Variants in NRG1 observed in about 807,000 individuals in gnomAD.
NRG1 encodes the protein pro-neuregulin-1, membrane-bound isoform.
Under a neutral mutation model 63.8 loss-of-function variants are expected in NRG1, and 18 were observed. The observed-to-expected ratio is 0.28, with a 90% confidence interval of 0.19 to 0.42. NRG1 has a LOEUF of 0.42. NRG1 is among the 10% of genes least tolerant of loss of function. The probability of loss-of-function intolerance (pLI) is 1.00; values close to 1 mark genes in which losing one functional copy is unlikely to be tolerated. For synonymous variants in NRG1, 302 were observed against 301.3 expected (o/e 1.00, Z -0.02); for missense variants, 762 against 814.7 (o/e 0.94, Z 0.79).
chr8:32,648,566 G>A (rs1452403580), intron 5 of NRG1, among the ~76,000 whole-genome samples: 1 of 152,068 alleles, frequency 6.6e-6, no homozygotes, highest in Non-Finnish European at 1.5e-5. Context: ...TGCAAACTCC[G>A]GATCTGAACC....
chr8:31,970,861 A>T (rs991543645), intron 1 of NRG1, among the ~76,000 whole-genome samples: 1 of 152,070 alleles, frequency 6.6e-6, no homozygotes, highest in South Asian at 2.1e-4. Flanking sequence ...AAGCTGCAGC[A>T]TCTCCTTGGG....
At chr8:32,617,002 C>T in intron 5 of NRG1, 117 bp downstream of exon 5, 2 of 753,396 alleles carry the variant, frequency 2.7e-6, no homozygotes, top group Non-Finnish European at 4.6e-6. Context: ...TTGAGTTTGG[C>T]AATAGGTGGT....
intron 1 of NRG1, among the ~76,000 whole-genome samples, chr8:32,079,015 A>G (rs759763398): frequency 2.2e-4 from 33 of 152,162 alleles, no homozygotes; most frequent in Non-Finnish European, 3.7e-4. Flanking sequence ...TTTGACTAAC[A>G]TTTTTCCTGT....
In NRG1 at chr8:32,728,096, G is replaced by A. The variant is rs1822691478; in HGVS notation, c.632+18G>A. On this transcript the variant is annotated intron_variant, in intron 6 of 11. Transcript: ENST00000356819. ...TTGTGCAAGTAAGAAAAGAAATCCT[G>A]TGTGTCGCTTATGTCTATAACTCCT... The A allele has an allele frequency of 6.2e-7, 1 of 1,613,542 alleles. No individual in the cohort carries two copies. Among genetic ancestry groups the A allele is most frequent in the African/African-American group, 1.3e-5 (1 of 74,918 alleles).
At chr8:32,296,446 T>A (rs1854880318) in intron 1 of NRG1, among the ~76,000 whole-genome samples, 1 of 151,886 alleles carries the variant, frequency 6.6e-6, no homozygotes, top group Non-Finnish European at 1.5e-5. Context: ...AAACCTCGTC[T>A]CTACTGAAAA....
At chr8:32,475,479 A>AAAAAAAAAAAT (rs1213506733) in intron 1 of NRG1, among the ~76,000 whole-genome samples, 1 of 150,840 alleles carries the variant, frequency 6.6e-6, no homozygotes, top group Non-Finnish European at 1.5e-5. Context: ...AAAAAAAAAA[A>AAAAAAAAAAAT]AGTGCCTACT....
intron 1 of NRG1, among the ~76,000 whole-genome samples, chr8:32,175,163 C>A (rs910460829): frequency 8.5e-5 from 13 of 152,244 alleles, no homozygotes; most frequent in South Asian, 4.1e-4. Flanking sequence ...CCTGGGATGC[C>A]AGGCTGGTTC....
At chr8:32,499,608 A>G (rs182725321) in intron 1 of NRG1, among the ~76,000 whole-genome samples, 3 of 152,292 alleles carry the variant, frequency 2.0e-5, no homozygotes, top group African/African-American at 7.2e-5. Context: ...CAGGAGGTCT[A>G]GGCTGCAGTG....
intron 5 of NRG1, among the ~76,000 whole-genome samples, chr8:32,685,776 G>T (rs560031145): frequency 6.6e-6 from 1 of 152,284 alleles, no homozygotes; most frequent in Admixed American, 6.5e-5. Context: ...CATGCAGAAG[G>T]CTTCCTCCAA....
chr8:32,096,391 A>T (rs1829908845), intron 1 of NRG1, among the ~76,000 whole-genome samples: 1 of 152,224 alleles, frequency 6.6e-6, no homozygotes, highest in African/African-American at 2.4e-5. Context: ...CACTTAACAT[A>T]TCTGTCACCT....
chr8:32,303,053 A>T lies in NRG1; in HGVS notation c.38-292775A>T, dbSNP rs1432841046. Among the ~76,000 whole-genome samples the T allele has an allele frequency of 2.6e-5, 4 of 151,786 alleles. No individual in the cohort carries two copies. The East Asian group carries it at 5.8e-4, about 22-fold the overall frequency. The stretch of plus-strand genomic sequence containing the variant: ...AAAAATTAGCCGGGCGTGGTGGCTG[A>T]TGCCTGTAATCCCAGCTACTCAGAA... On this transcript the variant is annotated intron_variant, in intron 1 of 10. Transcript: ENST00000519301.
intron 2 of NRG1, among the ~76,000 whole-genome samples, chr8:32,600,392 A>T (rs1414094688): frequency 3.3e-5 from 5 of 152,114 alleles, no homozygotes; most frequent in Non-Finnish European, 4.4e-5. Context: ...TCAGGGAACC[A>T]AAACTGTATA....
intron 1 of NRG1, among the ~76,000 whole-genome samples, chr8:32,113,616 AGAATCT>A (rs763414276): frequency 2.6e-5 from 4 of 152,190 alleles, no homozygotes; most frequent in Non-Finnish European, 5.9e-5. Context: ...TATTCTTCAT[AGAATCT>A]GATATAAGTG....
chr8:31,651,949 G>A (rs1804890286), intron 1 of NRG1, among the ~76,000 whole-genome samples: 1 of 152,076 alleles, frequency 6.6e-6, no homozygotes, highest in South Asian at 2.1e-4. Context: ...GGTAACTTAT[G>A]TCCTACAAAC....
At chr8:31,893,335 T>G (rs918012488) in intron 1 of NRG1, among the ~76,000 whole-genome samples, 1 of 151,564 alleles carries the variant, frequency 6.6e-6, no homozygotes, top group African/African-American at 2.4e-5. Context: ...AACAAAAAGA[T>G]ATCACACACA....
chr8:32,126,921 A>G lies in NRG1; in HGVS notation c.38-468907A>G, dbSNP rs201053990. Among the ~76,000 whole-genome samples, 3 of 151,968 alleles carry G rather than the reference A, an allele frequency of 2.0e-5. No individual in the cohort carries two copies. The East Asian group carries it at 5.8e-4, about 30-fold the overall frequency. ...TGGGGGGAAGAGCTCTAAGGAAGAT[A>G]TGGACTATGTCTCATATCTTCAAAT... On this transcript the variant is annotated intron_variant, in intron 1 of 10. Coordinates refer to the NRG1 transcript ENST00000519301.
intron 1 of NRG1, among the ~76,000 whole-genome samples, chr8:32,257,620 T>A (rs192271936): frequency 6.6e-6 from 1 of 152,302 alleles, no homozygotes; most frequent in Non-Finnish European, 1.5e-5. Context: ...TTTTAAGTAT[T>A]ATTTTACTAT....
chr8:31,777,766 C>A (rs534069659), intron 1 of NRG1, among the ~76,000 whole-genome samples: 5 of 152,060 alleles, frequency 3.3e-5, no homozygotes, highest in African/African-American at 1.2e-4. Context: ...GAAGACAGAG[C>A]GGGGGAGATG....
At chr8:32,569,596 G>T (rs185163083) in intron 1 of NRG1, among the ~76,000 whole-genome samples, 25 of 152,178 alleles carry the variant, frequency 1.6e-4, no homozygotes, top group African/African-American at 5.5e-4. Flanking sequence ...TATTGCCAGG[G>T]AAGCACTTGT....
Sources: gnomAD v4.1 joint callset for allele counts (sites outside exome capture counted in the v4.1 genomes callset) on GRCh38, gnomAD v4.1.1 for gene constraint, MANE v1.5 for transcripts, NCBI Gene and HGNC (gene_info 2026-07-23, HGNC 2026-07-21) for gene names.